NUP35: variants seen among roughly 807,000 people sequenced by gnomAD.
NUP35 encodes the protein nucleoporin NUP35.
NUP35 carries 25 observed loss-of-function variants against 41.5 expected under a neutral mutation model. That is an observed-to-expected ratio of 0.60 (90% CI 0.44 to 0.84). NUP35 has a LOEUF of 0.84. Among genes scored for constraint, NUP35 ranks in the 40% least tolerant of loss-of-function variants. NUP35 has a pLI of 0.00. For synonymous variants in NUP35, 149 were observed against 130.7 expected, an observed-to-expected ratio of 1.14 and a Z score of -0.96; for missense variants, 396 against 396.6, an observed-to-expected ratio of 1.00 and a Z score of 0.01.
At chr2:183,125,795 T>C (rs559707945) in intron 1 of NUP35, among the ~76,000 whole-genome samples, 1 of 152,346 alleles carries the variant, frequency 6.6e-6, no homozygotes, top group Non-Finnish European at 1.5e-5. Flanking sequence ...TTTGCAGATA[T>C]TCCAGGTGCC....
At chr2:183,150,905 T>C (rs1344071895) in intron 4 of NUP35, among the ~76,000 whole-genome samples, 1 of 152,204 alleles carries the variant, frequency 6.6e-6, no homozygotes, top group Non-Finnish European at 1.5e-5. Context: ...AAATGAACTT[T>C]ATAAAGTGTT....
chr2:183,133,189 A>C (rs1684754187), intron 3 of NUP35, among the ~76,000 whole-genome samples: 1 of 152,158 alleles, frequency 6.6e-6, no homozygotes, highest in Admixed American at 6.5e-5. Context: ...GTTGAAAATC[A>C]AATTTTGTCA....
upstream of NUP35, chr2:183,124,405 A>G (rs1198711240): frequency 1.2e-6 from 2 of 1,614,028 alleles, no homozygotes; most frequent in Non-Finnish European, 1.7e-6. Context: ...CGTTTCCGCC[A>G]TTTTTGAAAA....
At chr2:183,139,318 C>T (rs998781740) in intron 4 of NUP35, among the ~76,000 whole-genome samples, 8 of 151,740 alleles carry the variant, frequency 5.3e-5, no homozygotes. Context: ...GCAGTCCTCC[C>T]ACCTCGACCT....
At chr2:183,124,927 C>T (rs1684387885) in intron 1 of NUP35, among the ~76,000 whole-genome samples, 1 of 149,578 alleles carries the variant, frequency 6.7e-6, no homozygotes, top group African/African-American at 2.6e-5. Flanking sequence ...TGTGTGGGTG[C>T]AGTCCACTGC....
chr2:183,138,269 ATTTTTTTTTTT>A (rs147315571), intron 4 of NUP35, among the ~76,000 whole-genome samples: 23 of 80,686 alleles, frequency 2.9e-4, no homozygotes, highest in African/African-American at 5.6e-4. Context: ...ATATATATAT[ATTTTTTTTTTT>A]TTTTAGCTCC....
In NUP35 at chr2:183,130,418, G is replaced by T; in HGVS notation, c.212G>T (p.Gly71Val). ...VMEMRSPLLA[G>V]GSPPQPVVPA... ...TTTTTTTTTTTTTTGTACACTGTAGGTGGGTCACCACCACAACCAGTTGTA... is the reference window on the plus strand; with the variant it reads ...TTTTTTTTTTTTTTGTACACTGTAGTTGGGTCACCACCACAACCAGTTGTA... The change falls in exon 3 of 9, where the codon GGT becomes GTT. Residue 71 changes from glycine to valine, a missense_variant and splice_region_variant. Coordinates refer to ENST00000295119, the MANE Select transcript of NUP35 (RefSeq NM_138285.5). The T allele has an allele frequency of 6.3e-7, 1 of 1,579,688 alleles. No individual in the cohort carries two copies. Among genetic ancestry groups the T allele is most frequent in the South Asian group, 1.1e-5 (1 of 87,352 alleles).
intron 4 of NUP35, among the ~76,000 whole-genome samples, chr2:183,134,867 A>C (rs913552916): frequency 1.3e-5 from 2 of 150,110 alleles, no homozygotes; most frequent in Admixed American, 6.6e-5. Context: ...CTTGTGATCT[A>C]CCCACCTCGG....
chr2:183,159,679 A>T lies in NUP35; in HGVS notation c.903+27A>T, dbSNP rs778023614. 3 of 1,556,536 alleles carry T rather than the reference A, an allele frequency of 1.9e-6. No individual in the cohort carries two copies. The Admixed American group carries it at 5.1e-5, about 26-fold the overall frequency. ...TATTTTAAGGATTGGATAAAAAAAG[A>T]TGTACTTTAATGGCTGAGTGCATAG... On this transcript the variant is annotated intron_variant, in intron 8 of 8. Coordinates refer to ENST00000295119, the MANE Select transcript of NUP35 (RefSeq NM_138285.5).
chr2:183,134,907 A>C (rs1684824261), intron 4 of NUP35, among the ~76,000 whole-genome samples: 1 of 151,660 alleles, frequency 6.6e-6, no homozygotes, highest in Admixed American at 6.6e-5. Context: ...TAAAGGCTTG[A>C]GCCACCGCGC....
chr2:183,147,401 A>G (rs1204201668), intron 4 of NUP35, among the ~76,000 whole-genome samples: 2 of 152,120 alleles, frequency 1.3e-5, no homozygotes, highest in Non-Finnish European at 1.5e-5. Context: ...CAGGCTGCAT[A>G]TGGTTAGCTA....
In NUP35 at chr2:183,130,457, A is replaced by T; in HGVS notation, c.251A>T (p.Asp84Val). 6.2e-7 allele frequency: 1 copy of T among 1,610,918 alleles called. No homozygotes were observed. Among genetic ancestry groups the T allele is most frequent in the Non-Finnish European group, 8.5e-7 (1 of 1,179,476 alleles). Residue 84 changes from aspartate to valine, a missense_variant, in exon 3 of 9, where the codon GAT (aspartate) becomes GTT (valine). Coordinates refer to ENST00000295119, the MANE Select transcript of NUP35 (RefSeq NM_138285.5). ...PPQPVVPAHK[D>V]KSGAPPVRSI... is the part of the protein sequence containing the mutation. Reference sequence around the variant, plus strand: ...CAACCAGTTGTACCAGCTCATAAAGATAAAAGTGGCGCTCCACCAGTTAGA... The same window carrying T: ...CAACCAGTTGTACCAGCTCATAAAGTTAAAAGTGGCGCTCCACCAGTTAGA...
chr2:183,135,973 T>C (rs1684861711), intron 4 of NUP35, among the ~76,000 whole-genome samples: 1 of 152,162 alleles, frequency 6.6e-6, no homozygotes. Context: ...ATTGTCAGAA[T>C]GGATAACAAA....
intron 4 of NUP35, among the ~76,000 whole-genome samples, chr2:183,134,846 G>A (rs549153076): frequency 2.0e-5 from 3 of 150,610 alleles, no homozygotes; most frequent in Non-Finnish European, 3.0e-5. Flanking sequence ...GGCTGGTCTC[G>A]AACTCCTGAC....
At chr2:183,132,134 C>T (rs1305974767) in intron 3 of NUP35, among the ~76,000 whole-genome samples, 1 of 151,970 alleles carries the variant, frequency 6.6e-6, no homozygotes, top group Admixed American at 6.6e-5. Context: ...AGTGATCCTC[C>T]CACCTCTTCT....
chr2:183,157,616 A>AT (rs975460568), intron 6 of NUP35, 103 bp downstream of exon 6: 182 of 819,528 alleles, frequency 2.2e-4, no homozygotes, highest in Non-Finnish European at 2.5e-4. Context: ...TTAAACTTAA[A>AT]TTTTTTTTTG....
Position 183,132,896 on chromosome 2 carries a change from T to G in NUP35, c.340-670T>G, listed in dbSNP as rs369414226. On this transcript the variant is annotated intron_variant, in intron 3 of 8. Transcript: ENST00000295119. ...ACATTCTCTCAGCATTTAGTTCTGG[T>G]TGCTAAATGAAGCTATTTGAGATTT... 3.3e-5 allele frequency among the ~76,000 whole-genome samples: 5 copies of G among 152,332 alleles called. No individual in the cohort carries two copies. The East Asian group carries it at 5.8e-4, about 18-fold the overall frequency.
intron 3 of NUP35, among the ~76,000 whole-genome samples, chr2:183,132,332 T>C (rs72892702): frequency 0.032 from 4,915 of 152,030 alleles, 96 homozygotes; most frequent in Non-Finnish European, 0.043. Context: ...TTGGGCAGAT[T>C]GCTTGAACCC....
intron 2 of NUP35, among the ~76,000 whole-genome samples, chr2:183,129,793 G>T (rs1684632150): frequency 6.6e-6 from 1 of 152,192 alleles, no homozygotes; most frequent in African/African-American, 2.4e-5. Flanking sequence ...GTACAGTCCA[G>T]GCTCAGACAT....
Sources: allele counts gnomAD v4.1 joint callset (sites outside exome capture counted in the v4.1 genomes callset), GRCh38; gene constraint gnomAD v4.1.1; transcripts MANE v1.5; gene names NCBI Gene and HGNC (gene_info 2026-07-23, HGNC 2026-07-21).